Variants in GRID2 observed in about 807,000 individuals in gnomAD.
The protein encoded by GRID2 is glutamate receptor ionotropic, delta-2.
GRID2 carries 33 observed loss-of-function variants against 114.8 expected under a neutral mutation model. That is an observed-to-expected ratio of 0.29 (90% CI 0.22 to 0.38). The LOEUF (loss-of-function observed/expected upper bound fraction) is 0.38. GRID2 is among the 10% of genes least tolerant of loss of function. The probability of loss-of-function intolerance (pLI) is 1.00; values close to 1 mark genes in which losing one functional copy is unlikely to be tolerated. For missense variants in GRID2, 1,184 were observed against 1,257.7 expected (o/e 0.94, Z 0.89); for synonymous variants, 505 against 449.9 (o/e 1.12, Z -1.55).
intron 2 of GRID2, among the ~76,000 whole-genome samples, chr4:92,969,904 G>A (rs1578635567): frequency 6.6e-6 from 1 of 151,832 alleles, no homozygotes; most frequent in Admixed American, 6.6e-5. Flanking sequence ...CCAAGAATGA[G>A]TGCTTCTTAA....
intron 14 of GRID2, among the ~76,000 whole-genome samples, chr4:93,758,660 G>T (rs1441849415): frequency 6.6e-6 from 1 of 151,992 alleles, no homozygotes; most frequent in Non-Finnish European, 1.5e-5. Flanking sequence ...ATACAACTCA[G>T]GATCTCACTT....
intron 12 of GRID2, among the ~76,000 whole-genome samples, chr4:93,511,784 T>A (rs1046776132): frequency 6.6e-6 from 1 of 151,974 alleles, no homozygotes; most frequent in Non-Finnish European, 1.5e-5. Flanking sequence ...TTCTTCTTTT[T>A]TTTTTTTTTT....
rs1734055533 is a variant in GRID2, at chr4:93,770,891, A to C, written c.2602-1185A>C. The stretch of plus-strand genomic sequence containing the variant: ...ATAAAATTATATGTCTCAATCCTCT[A>C]AAGTCTCAGTGATAATATTGCATTA... On this transcript the variant is annotated intron_variant, in intron 15 of 15. Coordinates refer to ENST00000282020, the MANE Select transcript of GRID2 (RefSeq NM_001510.4). Among the ~76,000 whole-genome samples, 3 of 152,316 alleles carry C rather than the reference A, an allele frequency of 2.0e-5. No individual in the cohort carries two copies. In the South Asian group the frequency reaches 6.2e-4, roughly 32 times the overall value.
At chr4:93,179,157 T>C (rs763971689) in intron 4 of GRID2, among the ~76,000 whole-genome samples, 1 of 152,156 alleles carries the variant, frequency 6.6e-6, no homozygotes, top group Non-Finnish European at 1.5e-5. Flanking sequence ...GAAAAATCTT[T>C]TGTTCAATCT....
At chr4:92,665,942 T>G (rs1009312699) in intron 2 of GRID2, among the ~76,000 whole-genome samples, 1 of 151,574 alleles carries the variant, frequency 6.6e-6, no homozygotes, top group African/African-American at 2.4e-5. Flanking sequence ...AGTTCTTGAA[T>G]GTTTATATTC....
intron 1 of GRID2, among the ~76,000 whole-genome samples, chr4:92,574,346 T>C (rs1249799830): frequency 6.6e-6 from 1 of 152,096 alleles, no homozygotes. Flanking sequence ...ATGATGGTAT[T>C]ATAACTGGTT....
At chr4:93,206,626 A>ACACACACG in intron 4 of GRID2, among the ~76,000 whole-genome samples, 1 of 151,644 alleles carries the variant, frequency 6.6e-6, no homozygotes, top group South Asian at 2.1e-4. Flanking sequence ...ACACACACAC[A>ACACACACG]CACGCATGCA....
intron 14 of GRID2, among the ~76,000 whole-genome samples, chr4:93,628,901 G>C (rs2149694579): frequency 6.6e-6 from 1 of 151,880 alleles, no homozygotes; most frequent in Admixed American, 6.5e-5. Context: ...AAGTAGCTGG[G>C]ATTACACATG....
chr4:93,017,437 T>G (rs979799969), intron 2 of GRID2, among the ~76,000 whole-genome samples: 2 of 152,158 alleles, frequency 1.3e-5, no homozygotes, highest in African/African-American at 2.4e-5. Flanking sequence ...GCTGCTACTT[T>G]CAAAAAAATT....
chr4:92,830,520 T>C (rs901887143), intron 2 of GRID2, among the ~76,000 whole-genome samples: 1 of 152,134 alleles, frequency 6.6e-6, no homozygotes, highest in Non-Finnish European at 1.5e-5. Context: ...ATAATTTTCC[T>C]TATTTAAGCA....
chr4:92,440,812 G>C (rs1733013623), intron 1 of GRID2, among the ~76,000 whole-genome samples: 1 of 152,110 alleles, frequency 6.6e-6, no homozygotes, highest in South Asian at 2.1e-4. Context: ...ACAGTTATGG[G>C]GGTCAAGTGT....
intron 1 of GRID2, among the ~76,000 whole-genome samples, chr4:92,582,709 T>C (rs766747245): frequency 1.2e-4 from 19 of 152,018 alleles, no homozygotes; most frequent in Non-Finnish European, 2.5e-4. Flanking sequence ...ATGCCTGTGA[T>C]CTCAGCGCTT....
intron 1 of GRID2, among the ~76,000 whole-genome samples, chr4:92,316,069 T>C (rs372411287): frequency 1.4e-5 from 2 of 141,078 alleles, no homozygotes; most frequent in South Asian, 4.5e-4. Context: ...CGAATTAAAA[T>C]CCAGAAGACT....
At chr4:93,346,217 T>C (rs1359433302) in intron 8 of GRID2, among the ~76,000 whole-genome samples, 1 of 152,188 alleles carries the variant, frequency 6.6e-6, no homozygotes, top group Non-Finnish European at 1.5e-5. Context: ...AATGTGAAAC[T>C]TGTGACTTTT....
At position 93,128,051 on chromosome 4, in the gene GRID2, A is replaced by AAC; in HGVS notation, c.735+17099_735+17100insCA. Among the ~76,000 whole-genome samples the AAC allele has an allele frequency of 2.3e-5, 3 of 130,574 alleles. No individual in the cohort carries two copies. The South Asian group carries it at 6.9e-4, about 30-fold the overall frequency. 85.7% of individuals were successfully genotyped at this position (130,574 alleles called of 152,430 possible). On this transcript the variant is annotated intron_variant, in intron 4 of 15. Transcript: ENST00000282020. ...ACAAAAAAAAAAAAAAAAAAAAAAA[A>AAC]AAAAAAAACAACAGTACGTGCTATA... is the stretch of plus-strand genomic sequence containing the variant.
chr4:93,315,181 A>T (rs1413198460), intron 8 of GRID2, among the ~76,000 whole-genome samples: 5 of 152,044 alleles, frequency 3.3e-5, no homozygotes, highest in Non-Finnish European at 7.4e-5. Flanking sequence ...TCACCATCAC[A>T]AGAACAGCAT....
intron 2 of GRID2, among the ~76,000 whole-genome samples, chr4:93,074,765 A>G (rs1729110414): frequency 1.3e-5 from 2 of 152,178 alleles, no homozygotes; most frequent in South Asian, 2.1e-4. Flanking sequence ...TTGGGATCAA[A>G]GAAGATACCA....
In GRID2 at chr4:93,282,053, A is replaced by T. The variant is rs181127456; in HGVS notation, c.1245+43563A>T. Among the ~76,000 whole-genome samples the T allele has an allele frequency of 2.1e-3, 322 of 152,142 alleles. 2 individuals carry two copies. Among genetic ancestry groups the T allele is most frequent in the African/African-American group, 7.2e-3 (297 of 41,524 alleles). ...TATTGCTCATTAGTGGAGAAAACAGAAGAAAAATGAGTTGTATTTATTTCT... is the reference window on the plus strand; with the variant it reads ...TATTGCTCATTAGTGGAGAAAACAGTAGAAAAATGAGTTGTATTTATTTCT... On this transcript the variant is annotated intron_variant, in intron 8 of 15. Transcript: ENST00000282020.
chr4:92,714,498 G>A (rs931152162), intron 2 of GRID2, among the ~76,000 whole-genome samples: 2 of 152,164 alleles, frequency 1.3e-5, no homozygotes, highest in Admixed American at 1.3e-4. Context: ...CTCTGTGTGG[G>A]GGCTTCAACC....
Sources: allele counts gnomAD v4.1 joint callset (sites outside exome capture counted in the v4.1 genomes callset), GRCh38; gene constraint gnomAD v4.1.1; transcripts MANE v1.5; gene names NCBI Gene and HGNC (gene_info 2026-07-23, HGNC 2026-07-21).